PCDHGA3: variants seen among roughly 807,000 people sequenced by gnomAD.
PCDHGA3 encodes protocadherin gamma-A3.
In PCDHGA3, 40 loss-of-function variants were observed where a neutral mutation model predicts 58.5. That is an observed-to-expected ratio of 0.68 (90% confidence interval 0.53 to 0.89). PCDHGA3 has a LOEUF of 0.89. Among genes scored for constraint, PCDHGA3 ranks in the 40% least tolerant of loss-of-function variants. PCDHGA3 has a pLI of 0.00. For missense variants in PCDHGA3, 1,223 were observed against 1,195.9 expected, an observed-to-expected ratio of 1.02 and a Z score of -0.33; for synonymous variants, 530 against 525.7, an observed-to-expected ratio of 1.01 and a Z score of -0.11.
chr5:141,351,869 G>A, intron 1 of PCDHGA3: 2 of 1,613,240 alleles, frequency 1.2e-6, no homozygotes, highest in South Asian at 2.2e-5. Context: ...GGGCTCCCCC[G>A]CGCTCAGCGC....
chr5:141,344,462 T>C lies in PCDHGA3; in HGVS notation c.429T>C (p.Gly143=), dbSNP rs758634731. ...FPTEELEIKI[G]ELTVPGTRFP... is the part of the protein sequence containing the mutation. ...CAGAGGAATTGGAAATAAAAATTGG[T>C]GAACTAACGGTTCCTGGAACCCGAT... is the stretch of plus-strand genomic sequence containing the variant. Residue 143 remains glycine (G), a synonymous_variant, in exon 1 of 4, where the codon GGT becomes GGC. Transcript: ENST00000253812. 1.9e-6 allele frequency: 3 copies of C among 1,613,778 alleles called. No homozygotes were observed. In the South Asian group the frequency reaches 3.3e-5, roughly 18 times the overall value.
At position 141,344,603 on chromosome 5, in the gene PCDHGA3, G is replaced by A. The variant is rs1305367549; in HGVS notation, c.570G>A (p.Lys190=). 6.2e-7 allele frequency: 1 copy of A among 1,613,990 alleles called. No homozygotes were observed. Among genetic ancestry groups the A allele is most frequent in the Non-Finnish European group, 8.5e-7 (1 of 1,179,892 alleles). ...LAVNSVSEGA[K]YPELVLERAL... ...TGAATAGCGTCTCTGAGGGGGCCAAGTATCCAGAGCTGGTGCTGGAGCGGG... is the reference window on the plus strand; with the variant it reads ...TGAATAGCGTCTCTGAGGGGGCCAAATATCCAGAGCTGGTGCTGGAGCGGG... Residue 190 remains lysine (K), a synonymous_variant, in exon 1 of 4, where the codon AAG becomes AAA. Coordinates refer to ENST00000253812, the MANE Select transcript of PCDHGA3 (RefSeq NM_018916.4).
intron 1 of PCDHGA3, chr5:141,442,016 C>CCA (rs1561906409): frequency 4.6e-6 from 1 of 219,336 alleles, no homozygotes; most frequent in African/African-American, 2.4e-5. Context: ...GCACGATGGG[C>CCA]CACAGGAAAG....
chr5:141,399,497 TACCCGAAAACA>T, intron 1 of PCDHGA3: 2 of 1,614,030 alleles, frequency 1.2e-6, no homozygotes, highest in Non-Finnish European at 1.7e-6. Flanking sequence ...TTAGTCAGTG[TACCCGAAAACA>T]ACCCTCCTGG....
rs1765306389 is a variant in PCDHGA3 at position 141,367,734 on chromosome 5, C to G, written c.2424+21277C>G. On this transcript the variant is annotated intron_variant, in intron 1 of 3. Transcript: ENST00000253812. The stretch of plus-strand genomic sequence containing the variant: ...TTGGGCTTCGTTCTGTGATGTAAAG[C>G]CTCCAGAGAGTTACATACTGCTGCA... 3 of 152,132 alleles carry G rather than the reference C, an allele frequency of 2.0e-5. No homozygotes were observed. In the South Asian group the frequency reaches 6.2e-4, roughly 32 times the overall value. The allele number at this position is 152,132 out of a possible 1,614,324, so 9.4% of individuals were successfully genotyped here. A position where few individuals can be genotyped will look rare whatever the true frequency, so the allele number is the denominator to read the frequency against.
chr5:141,437,651 CAT>C (rs1255783396), intron 1 of PCDHGA3, among the ~76,000 whole-genome samples: 2 of 151,990 alleles, frequency 1.3e-5, no homozygotes, highest in Non-Finnish European at 2.9e-5. Context: ...AAAGCAAACA[CAT>C]AGTTTCGAAG....
In PCDHGA3 at chr5:141,408,993, T is replaced by G. The variant is rs1258002192; in HGVS notation, c.2424+62536T>G. The G allele has an allele frequency of 1.2e-6, 2 of 1,613,814 alleles. No homozygotes were observed. The highest frequency in any genetic ancestry group is 2.7e-5 in the African/African-American group (2 of 74,912). On this transcript the variant is annotated intron_variant, in intron 1 of 3. Transcript: ENST00000253812. Reference sequence around the variant, plus strand: ...CCCCCTGGGTCCCCTGTGTTGCAAGTGACAGCCACTGACCAGGATGAGGGG... The same window carrying G: ...CCCCCTGGGTCCCCTGTGTTGCAAGGGACAGCCACTGACCAGGATGAGGGG...
At chr5:141,443,845 A>C (rs923351698) in intron 1 of PCDHGA3, among the ~76,000 whole-genome samples, 19 of 152,224 alleles carry the variant, frequency 1.2e-4, no homozygotes, top group Admixed American at 5.9e-4. Context: ...GGTAATATGG[A>C]AAGTCTGAAA....
rs1354607645 is a variant in PCDHGA3, at chr5:141,433,848, A to C, written c.2425-60959A>C. Among the ~76,000 whole-genome samples, 4 of 152,082 alleles carry C rather than the reference A, an allele frequency of 2.6e-5. No individual in the cohort carries two copies. In the East Asian group the frequency reaches 5.8e-4, roughly 22 times the overall value. ...GTGAAACTCTATCTCAAAAAAAAAA[A>C]AAAAAAACTTTATCCTCTAGTTTCA... On this transcript the variant is annotated intron_variant, in intron 1 of 3. Coordinates refer to ENST00000253812, the MANE Select transcript of PCDHGA3 (RefSeq NM_018916.4).
rs61612330 is a variant in PCDHGA3 at position 141,454,796 on chromosome 5, A to ATTTTTTTTT, written c.2425-39990_2425-39982dup. Among the ~76,000 whole-genome samples the ATTTTTTTTT allele has an allele frequency of 8.2e-3, 638 of 77,468 alleles. 91 individuals carry two copies. The highest frequency in any genetic ancestry group is 0.025 in the African/African-American group (426 of 16,886). 50.8% of individuals were successfully genotyped at this position (77,468 alleles called of 152,430 possible). On this transcript the variant is annotated intron_variant, in intron 1 of 3. Coordinates refer to ENST00000253812, the MANE Select transcript of PCDHGA3 (RefSeq NM_018916.4). ...AAGGAAATAATCCTCCATGGTTCTA[A>ATTTTTTTTT]TTTTTTTTTTTTTTTTTTTTTTTTT...
chr5:141,408,243 G>A lies in PCDHGA3; in HGVS notation c.2424+61786G>A, dbSNP rs372221747. ...GCGCAGAGGCGCCGGGCCGGCCCGC[G>A]GCAGGTGCTATTTCCTTTGCTGCTG... On this transcript the variant is annotated intron_variant, in intron 1 of 3. Transcript: ENST00000253812. 7 of 1,583,996 alleles carry A rather than the reference G, an allele frequency of 4.4e-6. 1 individual carries two copies. The highest frequency in any genetic ancestry group is 5.2e-6 in the Non-Finnish European group (6 of 1,164,814).
At chr5:141,350,831 T>G in intron 1 of PCDHGA3, 1 of 1,614,060 alleles carries the variant, frequency 6.2e-7, no homozygotes, top group Non-Finnish European at 8.5e-7. Context: ...ATATCCGGTA[T>G]TACTGCTGGA....
Position 141,489,898 on chromosome 5 carries a change from C to T in PCDHGA3, c.2425-4909C>T. On this transcript the variant is annotated intron_variant, in intron 1 of 3. Transcript: ENST00000253812. The surrounding 1 kb of genome is among the most constrained non-coding windows in gnomAD (Gnocchi z 4.5). ...GCTTACTGCTGTGGATGGGGGGACC[C>T]CAGCCCGCTCAGGGACCACCCTTAT... 6.2e-7 allele frequency: 1 copy of T among 1,614,216 alleles called. No homozygotes were observed. Among genetic ancestry groups the T allele is most frequent in the Non-Finnish European group, 8.5e-7 (1 of 1,180,036 alleles).
chr5:141,433,406 TTA>T (rs2097606059), intron 1 of PCDHGA3, among the ~76,000 whole-genome samples: 1 of 149,982 alleles, frequency 6.7e-6, no homozygotes. Flanking sequence ...TATCTATCTA[TTA>T]CTTTCTTGTA....
intron 3 of PCDHGA3, among the ~76,000 whole-genome samples, chr5:141,505,995 C>T (rs1041284805): frequency 5.3e-5 from 8 of 152,142 alleles, no homozygotes; most frequent in African/African-American, 1.4e-4. Flanking sequence ...CCTCTTTATG[C>T]GAGGCTCCTC....
At position 141,404,503 on chromosome 5, in the gene PCDHGA3, G is replaced by A. The variant is rs771196227; in HGVS notation, c.2424+58046G>A. 8 of 1,613,720 alleles carry A rather than the reference G, an allele frequency of 5.0e-6. No homozygotes were observed. In the East Asian group the frequency reaches 1.8e-4, roughly 36 times the overall value. On this transcript the variant is annotated intron_variant, in intron 1 of 3. Coordinates refer to ENST00000253812, the MANE Select transcript of PCDHGA3 (RefSeq NM_018916.4). Reference sequence around the variant, plus strand: ...CAGACACTGGTGTGCTGTATGCTCTGTGCTCCTTTGACTATGAGCAGTTTA... The same window carrying A: ...CAGACACTGGTGTGCTGTATGCTCTATGCTCCTTTGACTATGAGCAGTTTA...
At chr5:141,420,252 C>T (rs745697672) in intron 1 of PCDHGA3, 1 of 1,576,604 alleles carries the variant, frequency 6.3e-7, no homozygotes, top group Non-Finnish European at 8.6e-7. Flanking sequence ...AGCGTTGAAG[C>T]AGATAAGAAG....
intron 1 of PCDHGA3, chr5:141,384,205 A>T: frequency 6.2e-7 from 1 of 1,613,874 alleles, no homozygotes; most frequent in Non-Finnish European, 8.5e-7. Context: ...GTCCAGGGAA[A>T]CTCACATATT....
intron 1 of PCDHGA3, chr5:141,376,202 T>C: frequency 3.7e-6 from 6 of 1,614,174 alleles, no homozygotes; most frequent in Non-Finnish European, 4.2e-6. Context: ...CTTCCTGGCC[T>C]TCGTCATCGT....
Sources: allele counts gnomAD v4.1 joint callset (sites outside exome capture counted in the v4.1 genomes callset), GRCh38; gene constraint gnomAD v4.1.1; non-coding constraint Gnocchi (gnomAD v3.1); transcripts MANE v1.5; gene names NCBI Gene and HGNC (gene_info 2026-07-23, HGNC 2026-07-21).